Variants in DNAJC18 observed in about 807,000 individuals in gnomAD.
DNAJC18 encodes the protein DnaJ heat shock protein family (Hsp40) member C18, also known as dnaJ homolog subfamily C member 18.
In DNAJC18, 40 loss-of-function variants were observed where a neutral mutation model predicts 48.6. The observed-to-expected ratio is 0.82, with a 90% CI of 0.64 to 1.07. DNAJC18 has a LOEUF of 1.07. Ranked by LOEUF, DNAJC18 falls within the 50% of genes least tolerant of loss-of-function variation. DNAJC18 has a pLI of 0.00. For missense variants in DNAJC18, 340 were observed against 427.7 expected (o/e 0.79, Z 1.81); for synonymous variants, 135 against 152.2 (o/e 0.89, Z 0.83).
In DNAJC18 at chr5:139,425,105, T is replaced by C. The variant is rs1759215184; in HGVS notation, c.569A>G (p.His190Arg). ...FGGHFPTGNI[H>R]MFSNVTDDTY... ...GTCATCTGTCACATTTGAAAACATA[T>C]GAATATTTCCTGGAAAAGAAATACA... Residue 190 changes from histidine to arginine, a missense_variant, in exon 5 of 8, where the codon CAT becomes CGT. Coordinates refer to ENST00000302060, the MANE Select transcript of DNAJC18 (RefSeq NM_152686.4). The C allele has an allele frequency of 1.2e-6, 2 of 1,611,684 alleles. No individual in the cohort carries two copies. Among genetic ancestry groups the C allele is most frequent in the African/African-American group, 1.3e-5 (1 of 74,986 alleles).
chr5:139,432,166 T>C (rs533308702), intron 2 of DNAJC18, among the ~76,000 whole-genome samples: 64 of 152,110 alleles, frequency 4.2e-4, no homozygotes, highest in African/African-American at 1.4e-3. Context: ...ACTTTTCACA[T>C]TCTTTTTTTT....
intron 1 of DNAJC18, among the ~76,000 whole-genome samples, chr5:139,438,502 A>G (rs1383226568): frequency 1.3e-5 from 2 of 152,170 alleles, no homozygotes; most frequent in Non-Finnish European, 2.9e-5. Context: ...AGAAGATTCA[A>G]TAACAACACC....
rs1759130201 is a variant in DNAJC18, at chr5:139,420,166, T to C, written c.839A>G (p.Asp280Gly). 1 of 1,612,132 alleles carries C rather than the reference T, an allele frequency of 6.2e-7. No homozygotes were observed. The highest frequency in any genetic ancestry group is 8.5e-7 in the Non-Finnish European group (1 of 1,179,506). ...TQNLQVPYFV[D>G]KNFDKAYRGA... ...TCTGTAGGCCTTGTCAAAGTTTTTATCCACAAAGTAAGGCACCTGCAGGTT... is the reference window on the plus strand; with the variant it reads ...TCTGTAGGCCTTGTCAAAGTTTTTACCCACAAAGTAAGGCACCTGCAGGTT... The change falls in exon 7 of 8, where the codon GAT becomes GGT. Residue 280 changes from aspartate to glycine, a missense_variant. By Grantham distance (94) the Asp-to-Gly change is moderately conservative. Transcript: ENST00000302060.
chr5:139,418,978 G>A (rs537322292), intron 7 of DNAJC18: 1 of 418,770 alleles, frequency 2.4e-6, no homozygotes, highest in African/African-American at 2.0e-5. Flanking sequence ...TAAGAACACA[G>A]AGGAAGGAGA....
chr5:139,431,936 G>T (rs1310244255), intron 2 of DNAJC18, among the ~76,000 whole-genome samples: 3 of 152,132 alleles, frequency 2.0e-5, no homozygotes, highest in Admixed American at 2.0e-4. Flanking sequence ...GACTAAAGAT[G>T]TTGAACAAGT....
At chr5:139,421,992 A>G (rs1759161649) in intron 6 of DNAJC18, among the ~76,000 whole-genome samples, 1 of 152,178 alleles carries the variant, frequency 6.6e-6, no homozygotes, top group African/African-American at 2.4e-5. Flanking sequence ...ATTATTAACA[A>G]AAAAGATAAT....
intron 7 of DNAJC18, among the ~76,000 whole-genome samples, chr5:139,418,427 C>A (rs1221449984): frequency 2.0e-5 from 3 of 152,232 alleles, no homozygotes. Context: ...TAGGCATGAG[C>A]TACCATGCCT....
chr5:139,423,680 G>C (rs1017464979), intron 5 of DNAJC18, among the ~76,000 whole-genome samples: 4 of 151,148 alleles, frequency 2.6e-5, no homozygotes, highest in African/African-American at 4.9e-5. Flanking sequence ...GTGAGCCATA[G>C]CACCCAGCCT....
chr5:139,416,071 T>C (rs1476306424), intron 7 of DNAJC18, among the ~76,000 whole-genome samples: 1 of 152,220 alleles, frequency 6.6e-6, no homozygotes, highest in Non-Finnish European at 1.5e-5. Flanking sequence ...ACAAGGTCAG[T>C]GTTTCAAGGA....
intron 6 of DNAJC18, 181 bp from the exon 7 acceptor site, chr5:139,420,406 T>A: frequency 1.7e-6 from 1 of 592,686 alleles, no homozygotes; most frequent in Non-Finnish European, 2.8e-6. Context: ...TCATCATAAT[T>A]GTATTATGTA....
Position 139,413,994 on chromosome 5 carries a change from T to C in DNAJC18, c.*154A>G. 1 of 1,104,556 alleles carries C rather than the reference T, an allele frequency of 9.1e-7. No homozygotes were observed. Among genetic ancestry groups the C allele is most frequent in the South Asian group, 1.7e-5 (1 of 58,980 alleles). 68.4% of individuals were successfully genotyped at this position (1,104,556 alleles called of 1,614,324 possible). ...AGGATCCTGTGAAGACACATCTGGC[T>C]CTCGTGCCCATGCTCCTGCCACTCT... On this transcript the variant is annotated 3_prime_UTR_variant, in exon 8 of 8. Transcript: ENST00000302060.
At chr5:139,422,040 C>T (rs927034621) in intron 6 of DNAJC18, among the ~76,000 whole-genome samples, 3 of 151,940 alleles carry the variant, frequency 2.0e-5, no homozygotes, top group Non-Finnish European at 2.9e-5. Context: ...CCAGAATAAT[C>T]TAGAGGGTTT....
At chr5:139,430,193 A>C (rs1197419705) in intron 2 of DNAJC18, among the ~76,000 whole-genome samples, 2 of 152,218 alleles carry the variant, frequency 1.3e-5, no homozygotes, top group Non-Finnish European at 2.9e-5. Context: ...GAAAACAAAA[A>C]ATTTTTAAAC....
intron 4 of DNAJC18, among the ~76,000 whole-genome samples, chr5:139,425,673 G>A (rs1249305790): frequency 6.6e-6 from 1 of 152,156 alleles, no homozygotes; most frequent in Admixed American, 6.5e-5. Context: ...GAGAGCATTA[G>A]GGCCGTGAAT....
At chr5:139,419,399 C>T (rs1043874142) in intron 7 of DNAJC18, among the ~76,000 whole-genome samples, 3 of 152,198 alleles carry the variant, frequency 2.0e-5, no homozygotes, top group Non-Finnish European at 4.4e-5. Context: ...GGGGGGAAGG[C>T]CTGCCACACC....
intron 2 of DNAJC18, among the ~76,000 whole-genome samples, chr5:139,435,677 G>T (rs182142025): frequency 7.9e-6 from 1 of 125,840 alleles, no homozygotes; most frequent in East Asian, 2.7e-4. Context: ...AATGAAGCCA[G>T]CTGGGCCTGG....
chr5:139,430,568 A>G (rs1759314514), intron 2 of DNAJC18, among the ~76,000 whole-genome samples: 1 of 149,848 alleles, frequency 6.7e-6, no homozygotes, highest in East Asian at 1.9e-4. Flanking sequence ...AATATTACCT[A>G]GTACTATATA....
rs745563817 is a variant in DNAJC18, at chr5:139,437,426, C to A, written c.173G>T (p.Arg58Leu). The change falls in exon 2 of 8, where the codon CGG becomes CTG. Residue 58 changes from arginine (R) to leucine (L), a missense_variant. By Grantham distance (102) the Arg-to-Leu change is moderately radical. Transcript: ENST00000302060. Reference sequence around the variant, plus strand: ...ATACGTGGAGTTCCCCTCACCCTGCCGGGTCTGAGTCCACTCATTCTCAGA... The same window carrying A: ...ATACGTGGAGTTCCCCTCACCCTGCAGGGTCTGAGTCCACTCATTCTCAGA... ...KKSENEWTQT[R>L]QGEGNSTYSE... The A allele has an allele frequency of 6.2e-7, 1 of 1,614,040 alleles. No homozygotes were observed. Among genetic ancestry groups the A allele is most frequent in the Non-Finnish European group, 8.5e-7 (1 of 1,179,970 alleles).
chr5:139,420,382 T>G, intron 6 of DNAJC18, 157 bp from the exon 7 acceptor site: 1 of 696,672 alleles, frequency 1.4e-6, no homozygotes, highest in East Asian at 3.1e-5. Context: ...CCTAGCAAAG[T>G]TGTAAGTATA....
Sources: allele counts gnomAD v4.1 joint callset (sites outside exome capture counted in the v4.1 genomes callset), GRCh38; gene constraint gnomAD v4.1.1; transcripts MANE v1.5; gene names NCBI Gene and HGNC (gene_info 2026-07-23, HGNC 2026-07-21).